Variants in TTN observed in about 807,000 individuals in gnomAD.
TTN encodes titin, also known as connectin.
In TTN, 1,525 loss-of-function variants were observed where a neutral mutation model predicts 3,223.0. The observed-to-expected ratio is 0.47, with a 90% CI of 0.45 to 0.49. The LOEUF is 0.49. Ranked by LOEUF, TTN falls within the 20% of genes least tolerant of loss-of-function variation. The pLI, the probability that TTN is intolerant of heterozygous loss-of-function variation, is 0.00. For missense variants in TTN, 40,786 were observed against 43,424.0 expected (o/e 0.94, Z 5.40); for synonymous variants, 14,094 against 15,161.0 (o/e 0.93, Z 5.17).
chr2:178,766,262 C>G, intron 41 of TTN, 119 bp downstream of exon 41: 6 of 817,438 alleles, frequency 7.3e-6, no homozygotes, highest in Non-Finnish European at 1.2e-5. Context: ...GTAGCTGGAA[C>G]CACATGAATA....
chr2:178,758,010 A>G, intron 44 of TTN, 94 bp from the exon 45 acceptor site: 1 of 1,345,490 alleles, frequency 7.4e-7, no homozygotes, highest in Non-Finnish European at 1.0e-6. Context: ...AATTTCAATA[A>G]TGGACTAGAA....
intron 57 of TTN, 36 bp from the exon 58 acceptor site, chr2:178,732,007 G>T (rs776224423): frequency 6.3e-7 from 1 of 1,591,540 alleles, no homozygotes; most frequent in Admixed American, 1.7e-5. Flanking sequence ...ATTAAGGGAG[G>T]AGGGGTCTGT....
chr2:178,729,511 G>A lies in TTN; in HGVS notation c.18645C>T (p.Asp6215=), dbSNP rs372400829. 84 of 1,613,330 alleles carry A rather than the reference G, an allele frequency of 5.2e-5. No individual in the cohort carries two copies. The highest frequency in any genetic ancestry group is 6.2e-5 in the Non-Finnish European group (73 of 1,179,608). Residue 6215 remains aspartate (D), a synonymous_variant, in exon 64 of 363, where the codon GAC becomes GAT. Coordinates refer to ENST00000589042, the MANE Select transcript of TTN (RefSeq NM_001267550.2). ...CCGTAACTTCACACTCCAGCTCCAC[G>A]TCACTATATTTTACTACCTCCACAG... ...LKPVEVVKYS[D]VELECEVTGT...
At position 178,543,470 on chromosome 2, in the gene TTN, C is replaced by T. The variant is rs745694652; in HGVS notation, c.96503G>A (p.Gly32168Glu). The change falls in exon 347 of 363, where the codon GGA (glycine) becomes GAA (glutamate). Residue 32168 changes from glycine to glutamate, a missense_variant. Physicochemically the swap from Gly to Glu is moderately conservative, Grantham distance 98. Transcript: ENST00000589042. ...KCSKTLYRISGLVEGTMYYFR... is the reference protein window; with the variant it reads ...KCSKTLYRISELVEGTMYYFR... ...ATAGTACATGGTTCCTTCTACAAGT[C>T]CAGAAATTCTGTAAAGTGTCTTGCT... 3.7e-6 allele frequency: 6 copies of T among 1,613,778 alleles called. No homozygotes were observed. The highest frequency in any genetic ancestry group is 4.2e-6 in the Non-Finnish European group (5 of 1,179,780).
At position 178,641,277 on chromosome 2, in the gene TTN, C is replaced by A; in HGVS notation, c.40597G>T (p.Glu13533Ter). Residue 13533 changes from glutamate (E) to a stop codon, truncating the protein, a stop_gained, in exon 220 of 363, where the codon GAA (glutamate) becomes TAA (stop). Coordinates refer to ENST00000589042, the MANE Select transcript of TTN (RefSeq NM_001267550.2). LOFTEE classifies it high-confidence loss of function. ...KRPEEEEPKV[E>*]PKKLEKVKKP... ...TTAACTTTTTCTAGTTTTTTAGGTT[C>A]TACTTTAGGTTCTTCTTCTTCAGGT... The A allele has an allele frequency of 1.3e-6, 2 of 1,511,266 alleles. No individual in the cohort carries two copies. The highest frequency in any genetic ancestry group is 1.8e-6 in the Non-Finnish European group (2 of 1,131,610). 93.6% of individuals were successfully genotyped at this position (1,511,266 alleles called of 1,614,324 possible). A position where few individuals can be genotyped will look rare whatever the true frequency, so the allele number is the denominator to read the frequency against.
At position 178,773,511 on chromosome 2, in the gene TTN, G is replaced by A. The variant is rs2291306; in HGVS notation, c.7545C>T (p.Tyr2515=). ...TTTCAACTCTGCCAACTATCAGCTT[G>A]TAAGGTCCTTCGTCTGAAGCATGAG... ...NRTHASDEGP[Y]KLIVGRVETN... is the part of the protein sequence containing the mutation. Residue 2515 remains tyrosine (Y), a synonymous_variant, in exon 32 of 363, where the codon TAC becomes TAT. Coordinates refer to ENST00000589042, the MANE Select transcript of TTN (RefSeq NM_001267550.2). The A allele has an allele frequency of 0.11, 170,386 of 1,613,940 alleles. 9,483 individuals are homozygous for A. The highest frequency in any genetic ancestry group is 0.11 in the Non-Finnish European group (135,391 of 1,179,926).
chr2:178,643,308 T>C (rs2061482954), intron 218 of TTN, among the ~76,000 whole-genome samples: 2 of 151,998 alleles, frequency 1.3e-5, no homozygotes. Flanking sequence ...TTAACTCTTA[T>C]TTCAAAAATT....
At chr2:178,772,416 A>T (rs996807087) in intron 33 of TTN, among the ~76,000 whole-genome samples, 1 of 152,152 alleles carries the variant, frequency 6.6e-6, no homozygotes, top group Non-Finnish European at 1.5e-5. Context: ...AACTGTAATG[A>T]ACCAAACAAA....
In TTN at chr2:178,582,355, T is replaced by C; in HGVS notation, c.66101A>G (p.Asn22034Ser). 3 of 1,609,920 alleles carry C rather than the reference T, an allele frequency of 1.9e-6. No individual in the cohort carries two copies. The highest frequency in any genetic ancestry group is 1.1e-5 in the South Asian group (1 of 90,524). Reference protein sequence around the residue: ...HEYQFRICAENKYGVGDPVFT... With the variant: ...HEYQFRICAESKYGVGDPVFT... Reference sequence around the variant, plus strand: ...GACTGGATCGCCTACTCCATATTTATTTTCAGCACAAATACGGAACTGATA... The same window carrying C: ...GACTGGATCGCCTACTCCATATTTACTTTCAGCACAAATACGGAACTGATA... Residue 22034 changes from asparagine to serine, a missense_variant, in exon 314 of 363, where the codon AAT becomes AGT. By Grantham distance (46) the Asn-to-Ser change is conservative. Transcript: ENST00000589042.
chr2:178,629,524 T>C, intron 239 of TTN, 81 bp from the exon 240 acceptor site: 1 of 1,588,546 alleles, frequency 6.3e-7, no homozygotes, highest in Non-Finnish European at 8.6e-7. Context: ...ATATGAATCT[T>C]CATGGTTGCT....
At position 178,583,735 on chromosome 2, in the gene TTN, T is replaced by A; in HGVS notation, c.65447A>T (p.Gln21816Leu). ...TAGGCCAGTAGCTGTGTACTCTTCC[T>A]GGGGAATCTGGTGAGGTGCAGTATT... ...RCNTAPHQIPQEEYTATGLEE... is the reference protein window; with the variant it reads ...RCNTAPHQIPLEEYTATGLEE... Residue 21816 changes from glutamine (Q) to leucine (L), a missense_variant, in exon 312 of 363, where the codon CAG becomes CTG. Coordinates refer to ENST00000589042, the MANE Select transcript of TTN (RefSeq NM_001267550.2). 6.2e-7 allele frequency: 1 copy of A among 1,612,322 alleles called. No individual in the cohort carries two copies. Among genetic ancestry groups the A allele is most frequent in the Non-Finnish European group, 8.5e-7 (1 of 1,179,146 alleles).
chr2:178,690,702 C>T (rs1244120169), intron 121 of TTN, among the ~76,000 whole-genome samples: 3 of 152,102 alleles, frequency 2.0e-5, no homozygotes, highest in South Asian at 2.1e-4. Context: ...AATCCCTGCA[C>T]CTCTGCACGT....
rs1288766016 is a variant in TTN at position 178,732,919 on chromosome 2, T to C, written c.16257A>G (p.Val5419=). 15 of 1,613,576 alleles carry C rather than the reference T, an allele frequency of 9.3e-6. No individual in the cohort carries two copies. The highest frequency in any genetic ancestry group is 1.3e-5 in the Non-Finnish European group (15 of 1,179,730). The change falls in exon 55 of 363, where the codon GTA becomes GTG. Residue 5419 remains valine, a synonymous_variant. Coordinates refer to ENST00000589042, the MANE Select transcript of TTN (RefSeq NM_001267550.2). ...EGTASLEIIR[V]DMNDAGNFTC... The stretch of plus-strand genomic sequence containing the variant: ...TGAAATTCCCTGCATCATTCATGTC[T>C]ACTCTGATGATCTCCAAAGAGGCTG...
Position 178,536,098 on chromosome 2 carries a change from C to T in TTN, c.100649G>A (p.Gly33550Asp), listed in dbSNP as rs370253076. The T allele has an allele frequency of 1.2e-6, 2 of 1,612,118 alleles. No homozygotes were observed. Among genetic ancestry groups the T allele is most frequent in the Admixed American group, 1.7e-5 (1 of 59,966 alleles). Reference sequence around the variant, plus strand: ...TGCAATGATGAGCTGGTGGTAGCCACCCTTAAATTCTTGAATCCTATATTT... The same window carrying T: ...TGCAATGATGAGCTGGTGGTAGCCATCCTTAAATTCTTGAATCCTATATTT... ...GLKYRIQEFK[G>D]GYHQLIIASV... The change falls in exon 357 of 363, where the codon GGT becomes GAT. Residue 33550 changes from glycine (G) to aspartate (D), a missense_variant. Transcript: ENST00000589042.
chr2:178,593,000 C>G lies in TTN; in HGVS notation c.59119G>C (p.Asp19707His). 1 of 1,613,474 alleles carries G rather than the reference C, an allele frequency of 6.2e-7. No individual in the cohort carries two copies. Among genetic ancestry groups the G allele is most frequent in the Non-Finnish European group, 8.5e-7 (1 of 1,179,614 alleles). The change falls in exon 300 of 363, where the codon GAT (aspartate) becomes CAT (histidine). Residue 19707 changes from aspartate to histidine, a missense_variant. Coordinates refer to ENST00000589042, the MANE Select transcript of TTN (RefSeq NM_001267550.2). ...VDLTWQPPRHDGGSKILGYIV... is the reference protein window; with the variant it reads ...VDLTWQPPRHHGGSKILGYIV... ...TAACCCAGAATCTTGCTCCCACCAT[C>G]ATGACGTGGTGGCTGCCAAGTTAGA...
Position 178,633,303 on chromosome 2 carries a change from G to T in TTN, c.42970C>A (p.Pro14324Thr). The T allele has an allele frequency of 6.2e-7, 1 of 1,613,020 alleles. No homozygotes were observed. The highest frequency in any genetic ancestry group is 8.5e-7 in the Non-Finnish European group (1 of 1,179,436). ...VEARLIKVEKPLYGVEVFVGE... is the reference protein window; with the variant it reads ...VEARLIKVEKTLYGVEVFVGE... ...ACAAACACCTCTACTCCGTACAGAGGCTTTTCCACTTTTATTAGTCGAGCT... is the reference window on the plus strand; with the variant it reads ...ACAAACACCTCTACTCCGTACAGAGTCTTTTCCACTTTTATTAGTCGAGCT... Residue 14324 changes from proline (P) to threonine (T), a missense_variant, in exon 233 of 363, where the codon CCT (proline) becomes ACT (threonine). Transcript: ENST00000589042.
At position 178,740,818 on chromosome 2, in the gene TTN, G is replaced by C. The variant is rs1375714072; in HGVS notation, c.12415C>G (p.His4139Asp). ...GATGGTTCCTTGAGAGGCTGAAAGTGAATACTGCCATTGATGCAAAGAAAT... is the reference window on the plus strand; with the variant it reads ...GATGGTTCCTTGAGAGGCTGAAAGTCAATACTGCCATTGATGCAAAGAAAT... Reference protein sequence around the residue: ...REFLCINGSIHFQPLKEPSPN... With the variant: ...REFLCINGSIDFQPLKEPSPN... Residue 4139 changes from histidine to aspartate, a missense_variant, in exon 48 of 363, where the codon CAC becomes GAC. Physicochemically the swap from His to Asp is moderately conservative, Grantham distance 81. Transcript: ENST00000589042. The C allele has an allele frequency of 1.2e-6, 2 of 1,613,604 alleles. No homozygotes were observed. Among genetic ancestry groups the C allele is most frequent in the Non-Finnish European group, 1.7e-6 (2 of 1,179,742 alleles).
chr2:178,702,939 G>C (rs2075259827), intron 106 of TTN, among the ~76,000 whole-genome samples: 1 of 152,200 alleles, frequency 6.6e-6, no homozygotes, highest in Admixed American at 6.5e-5. Flanking sequence ...ACATACTAAA[G>C]AGAGCTAATG....
Position 178,773,505 on chromosome 2 carries a change from C to A in TTN, c.7551G>T (p.Leu2517=). 6.2e-7 allele frequency: 1 copy of A among 1,614,044 alleles called. No homozygotes were observed. ...THASDEGPYK[L]IVGRVETNCN... is the part of the protein sequence containing the mutation. ...AGTTGGTTTCAACTCTGCCAACTAT[C>A]AGCTTGTAAGGTCCTTCGTCTGAAG... is the stretch of plus-strand genomic sequence containing the variant. The change falls in exon 32 of 363, where the codon CTG becomes CTT. Residue 2517 remains leucine, a synonymous_variant. Transcript: ENST00000589042.
Sources: gnomAD v4.1 joint callset for allele counts (sites outside exome capture counted in the v4.1 genomes callset) on GRCh38, gnomAD v4.1.1 for gene constraint, MANE v1.5 for transcripts, NCBI Gene and HGNC (gene_info 2026-07-23, HGNC 2026-07-21) for gene names.